The following NEK11 variants were observed in gnomAD, a reference collection of about 807,000 sequenced individuals.
NEK11 encodes the protein NIMA related kinase 11, also known as serine/threonine-protein kinase Nek11.
In NEK11, 72 loss-of-function variants were observed where a neutral mutation model predicts 80.7. The observed-to-expected ratio is 0.89, with a 90% CI of 0.74 to 1.08. NEK11 has a LOEUF of 1.08. Ranked by LOEUF, NEK11 falls within the 50% of genes least tolerant of loss-of-function variation. The pLI is 0.00. For missense variants in NEK11, 764 were observed against 763.6 expected (o/e 1.00, Z -0.01); for synonymous variants, 251 against 260.7 (o/e 0.96, Z 0.36).
intron 7 of NEK11, among the ~76,000 whole-genome samples, chr3:131,137,621 A>C (rs1023859198): frequency 6.6e-6 from 1 of 152,196 alleles, no homozygotes; most frequent in African/African-American, 2.4e-5. Context: ...GTGAGAAAAC[A>C]TTTCAGTCAG....
intron 14 of NEK11, among the ~76,000 whole-genome samples, chr3:131,210,791 G>A (rs2094585996): frequency 6.6e-6 from 1 of 152,076 alleles, no homozygotes; most frequent in East Asian, 1.9e-4. Context: ...AACTAAGATT[G>A]CAATCGCTGC....
chr3:131,291,991 G>C (rs369433946), intron 17 of NEK11, among the ~76,000 whole-genome samples: 1 of 152,100 alleles, frequency 6.6e-6, no homozygotes, highest in African/African-American at 2.4e-5. Flanking sequence ...AAAAGTCATT[G>C]CCATACTCAA....
At chr3:131,236,743 A>T (rs1057325492) in intron 15 of NEK11, among the ~76,000 whole-genome samples, 1 of 152,158 alleles carries the variant, frequency 6.6e-6, no homozygotes, top group African/African-American at 2.4e-5. Flanking sequence ...CAGTAGTGAG[A>T]TAGGAGTTAC....
intron 7 of NEK11, among the ~76,000 whole-genome samples, chr3:131,139,018 T>C (rs1289510462): frequency 5.3e-5 from 8 of 152,024 alleles, no homozygotes; most frequent in Non-Finnish European, 1.0e-4. Flanking sequence ...AACATGACTT[T>C]ACCTAACAAA....
rs766404621 is a variant in NEK11 at position 131,080,530 on chromosome 3, A to G, written c.278A>G (p.Lys93Arg). The change falls in exon 4 of 18, where the codon AAG (lysine) becomes AGG (arginine). Residue 93 changes from lysine (K) to arginine (R), a missense_variant. Coordinates refer to ENST00000383366, the MANE Select transcript of NEK11 (RefSeq NM_024800.5). ...LSKLDHPAIV[K>R]FHASFVEQDN... ...AAGCTGGACCACCCAGCCATTGTCAAGTTCCATGCAAGTTTTGTGGAGCAA... is the reference window on the plus strand; with the variant it reads ...AAGCTGGACCACCCAGCCATTGTCAGGTTCCATGCAAGTTTTGTGGAGCAA... 6.2e-6 allele frequency: 10 copies of G among 1,614,132 alleles called. No individual in the cohort carries two copies. Among genetic ancestry groups the G allele is most frequent in the Non-Finnish European group, 8.5e-6 (10 of 1,179,988 alleles).
intron 14 of NEK11, among the ~76,000 whole-genome samples, chr3:131,205,383 G>T (rs1254374143): frequency 6.6e-6 from 1 of 152,082 alleles, no homozygotes; most frequent in African/African-American, 2.4e-5. Context: ...CTGATTAGAG[G>T]AACCACAAAC....
chr3:131,327,608 T>G (rs556021784), intron 17 of NEK11: 35 of 152,256 alleles, frequency 2.3e-4, no homozygotes, highest in African/African-American at 7.5e-4. Context: ...TGATTCACAC[T>G]CTTTATTTAT....
intron 4 of NEK11, among the ~76,000 whole-genome samples, chr3:131,103,626 T>A (rs926670057): frequency 1.3e-5 from 2 of 152,168 alleles, no homozygotes; most frequent in Admixed American, 6.5e-5. Context: ...GGGAACTCCT[T>A]CCAATCACTG....
At chr3:131,223,002 A>T (rs185553092) in intron 14 of NEK11, among the ~76,000 whole-genome samples, 216 of 152,316 alleles carry the variant, frequency 1.4e-3, no homozygotes, top group South Asian at 4.4e-3. Context: ...TGCAGCCATT[A>T]TTGGATTCCT....
At chr3:131,141,372 G>C (rs957268477) in intron 7 of NEK11, among the ~76,000 whole-genome samples, 1 of 152,112 alleles carries the variant, frequency 6.6e-6, no homozygotes, top group Non-Finnish European at 1.5e-5. Context: ...AAATGGAGAA[G>C]AGTTTGGCAA....
rs1267397321 is a variant in NEK11 at position 131,122,639 on chromosome 3, C to T, written c.456-10106C>T. 2.0e-5 allele frequency among the ~76,000 whole-genome samples: 3 copies of T among 152,044 alleles called. No homozygotes were observed. In the East Asian group the frequency reaches 5.8e-4, roughly 29 times the overall value. The stretch of plus-strand genomic sequence containing the variant: ...GTTTGTGATCCACCCTGAGAACCTG[C>T]TAGATGAAGGATAGACCTCCAGGGA... On this transcript the variant is annotated intron_variant, in intron 5 of 17. Coordinates refer to ENST00000383366, the MANE Select transcript of NEK11 (RefSeq NM_024800.5).
At chr3:131,122,465 G>A (rs914485672) in intron 5 of NEK11, among the ~76,000 whole-genome samples, 2 of 152,230 alleles carry the variant, frequency 1.3e-5, no homozygotes, top group Non-Finnish European at 2.9e-5. Flanking sequence ...AGGACTCATT[G>A]TGTTAGTGAG....
chr3:131,083,969 A>G (rs1171805001), intron 4 of NEK11, among the ~76,000 whole-genome samples: 1 of 152,154 alleles, frequency 6.6e-6, no homozygotes, highest in Non-Finnish European at 1.5e-5. Context: ...TGCTTAGGCC[A>G]TATCCTCTGA....
At chr3:131,237,448 CAT>C (rs2095449408) in intron 15 of NEK11, among the ~76,000 whole-genome samples, 1 of 152,178 alleles carries the variant, frequency 6.6e-6, no homozygotes, top group African/African-American at 2.4e-5. Flanking sequence ...ACACAATAGA[CAT>C]AGTTCCACCT....
intron 5 of NEK11, among the ~76,000 whole-genome samples, chr3:131,110,723 AT>A (rs2079983602): frequency 6.6e-6 from 1 of 152,154 alleles, no homozygotes; most frequent in African/African-American, 2.4e-5. Flanking sequence ...AAAGGGGGTA[AT>A]TTATAAAGCA....
At chr3:131,176,695 G>T (rs751903975) in intron 14 of NEK11, among the ~76,000 whole-genome samples, 1 of 152,094 alleles carries the variant, frequency 6.6e-6, no homozygotes, top group African/African-American at 2.4e-5. Flanking sequence ...TGCCCAACAA[G>T]CCACTTTGAC....
At chr3:131,270,189 CACAG>C (rs2096151977) in intron 16 of NEK11, among the ~76,000 whole-genome samples, 1 of 152,160 alleles carries the variant, frequency 6.6e-6, no homozygotes, top group Non-Finnish European at 1.5e-5. Context: ...ATGACAGGTC[CACAG>C]ACAAATACAG....
intron 2 of NEK11, among the ~76,000 whole-genome samples, chr3:131,029,307 G>A (rs985682193): frequency 1.3e-5 from 2 of 152,108 alleles, no homozygotes; most frequent in Non-Finnish European, 2.9e-5. Context: ...TAAGTAGTTG[G>A]GGAGTATAAA....
intron 5 of NEK11, among the ~76,000 whole-genome samples, chr3:131,124,152 C>A (rs1012158456): frequency 1.3e-5 from 2 of 152,152 alleles, no homozygotes; most frequent in African/African-American, 4.8e-5. Flanking sequence ...GTCACTCCCC[C>A]CTTTTTTTGT....
Sources: allele counts gnomAD v4.1 joint callset (sites outside exome capture counted in the v4.1 genomes callset), GRCh38; gene constraint gnomAD v4.1.1; transcripts MANE v1.5; gene names NCBI Gene and HGNC (gene_info 2026-07-23, HGNC 2026-07-21).